Variants in XKR6 observed in about 807,000 individuals in gnomAD.
The protein encoded by XKR6 is XK related 6.
Under a neutral mutation model 56.7 loss-of-function variants are expected in XKR6, and 22 were observed. That is an observed-to-expected ratio of 0.39 (90% confidence interval 0.28 to 0.55). XKR6 has a LOEUF of 0.55. Ranked by LOEUF, XKR6 falls within the 20% of genes least tolerant of loss-of-function variation. The probability of loss-of-function intolerance (pLI) is 0.66; values close to 1 mark genes in which losing one functional copy is unlikely to be tolerated. For synonymous variants in XKR6, 524 were observed against 387.8 expected (o/e 1.35, Z -4.13); for missense variants, 852 against 889.0 (o/e 0.96, Z 0.53).
chr8:10,962,705 A>G (rs1212413214), intron 1 of XKR6, among the ~76,000 whole-genome samples: 3 of 151,864 alleles, frequency 2.0e-5, no homozygotes, highest in Non-Finnish European at 2.9e-5. Context: ...AGCTCATTGC[A>G]ACCTCTGTCT....
intron 1 of XKR6, among the ~76,000 whole-genome samples, chr8:10,946,099 T>C (rs1396423646): frequency 6.6e-6 from 1 of 151,940 alleles, no homozygotes; most frequent in Non-Finnish European, 1.5e-5. Context: ...CTCACTCAAA[T>C]TAGAGCTAAA....
intron 1 of XKR6, among the ~76,000 whole-genome samples, chr8:11,135,533 T>C (rs967259731): frequency 8.5e-5 from 13 of 152,232 alleles, no homozygotes; most frequent in African/African-American, 2.4e-4. Context: ...GTTTAAATAG[T>C]TGATCTATTA....
At chr8:11,180,785 T>C (rs962265185) in intron 1 of XKR6, among the ~76,000 whole-genome samples, 2 of 151,996 alleles carry the variant, frequency 1.3e-5, no homozygotes, top group Non-Finnish European at 2.9e-5. Flanking sequence ...CCTGCACCTG[T>C]AGTCCCAGCT....
intron 1 of XKR6, among the ~76,000 whole-genome samples, chr8:11,161,990 T>G (rs888175296): frequency 5.3e-5 from 8 of 152,156 alleles, no homozygotes; most frequent in African/African-American, 1.9e-4. Context: ...CAGAGGACCT[T>G]TTCTCATCTC....
At chr8:10,992,715 CAGTG>C (rs1294304428) in intron 1 of XKR6, among the ~76,000 whole-genome samples, 1 of 152,226 alleles carries the variant, frequency 6.6e-6, no homozygotes, top group Non-Finnish European at 1.5e-5. Context: ...GTTAGCCAAG[CAGTG>C]ACTGTGCACC....
At chr8:11,095,010 A>C (rs764836735) in intron 1 of XKR6, among the ~76,000 whole-genome samples, 11 of 152,350 alleles carry the variant, frequency 7.2e-5, no homozygotes, top group Middle Eastern at 3.4e-3. Flanking sequence ...ACAAACCTGC[A>C]CATCCTGCAC....
intron 1 of XKR6, among the ~76,000 whole-genome samples, chr8:11,044,820 A>C (rs1350626274): frequency 6.6e-6 from 1 of 152,044 alleles, no homozygotes; most frequent in East Asian, 1.9e-4. Flanking sequence ...GGGTTTCACC[A>C]TGTTGGGTAG....
intron 2 of XKR6, among the ~76,000 whole-genome samples, chr8:10,915,911 G>A (rs567985141): frequency 1.3e-5 from 2 of 152,200 alleles, no homozygotes; most frequent in Admixed American, 1.3e-4. Context: ...GCCAGAGAAC[G>A]GGGTCAAGAG....
chr8:10,947,529 G>C (rs547597639), intron 1 of XKR6, among the ~76,000 whole-genome samples: 99 of 152,248 alleles, frequency 6.5e-4, no homozygotes, highest in Middle Eastern at 3.4e-3. Context: ...GGAAGAGGAA[G>C]GTCAGAAAGG....
intron 1 of XKR6, among the ~76,000 whole-genome samples, chr8:10,979,101 C>A (rs1797665747): frequency 1.3e-5 from 2 of 151,914 alleles, no homozygotes; most frequent in Admixed American, 1.3e-4. Flanking sequence ...CTCCTCCTTG[C>A]AGTCTTCCCT....
At chr8:11,010,040 A>G (rs1225938820) in intron 1 of XKR6, among the ~76,000 whole-genome samples, 2 of 152,240 alleles carry the variant, frequency 1.3e-5, no homozygotes, top group Non-Finnish European at 2.9e-5. Flanking sequence ...GAGAGGTTTA[A>G]TTGGCTCTTG....
chr8:10,939,276 CG>C (rs897698507), intron 1 of XKR6, among the ~76,000 whole-genome samples: 5 of 152,208 alleles, frequency 3.3e-5, no homozygotes, highest in African/African-American at 1.2e-4. Flanking sequence ...AATCCAGGCC[CG>C]CCCACCACAG....
chr8:11,172,964 A>C (rs182085137), intron 1 of XKR6, among the ~76,000 whole-genome samples: 35 of 152,324 alleles, frequency 2.3e-4, no homozygotes, highest in Non-Finnish European at 4.0e-4. Context: ...AAAATCTATT[A>C]TCCGGTATTT....
intron 1 of XKR6, among the ~76,000 whole-genome samples, chr8:10,984,720 C>CTATATGTA (rs1212342415): frequency 5.3e-4 from 44 of 83,264 alleles, no homozygotes; most frequent in African/African-American, 2.2e-3. Context: ...CTCTCTCTCT[C>CTATATGTA]TCTCTCTCTC....
chr8:10,976,189 AG>A (rs1802552576), intron 1 of XKR6, among the ~76,000 whole-genome samples: 2 of 141,992 alleles, frequency 1.4e-5, no homozygotes, highest in South Asian at 4.3e-4. Flanking sequence ...AAAAAAAAAA[AG>A]TGCCCCCCCC....
At chr8:11,151,516 T>C (rs1477674794) in intron 1 of XKR6, among the ~76,000 whole-genome samples, 1 of 152,168 alleles carries the variant, frequency 6.6e-6, no homozygotes, top group Non-Finnish European at 1.5e-5. Flanking sequence ...ACAGATGTAA[T>C]ATAATTCTAC....
chr8:11,119,452 T>C (rs979238473), intron 1 of XKR6, among the ~76,000 whole-genome samples: 2 of 152,202 alleles, frequency 1.3e-5, no homozygotes, highest in Non-Finnish European at 2.9e-5. Flanking sequence ...CTAAGTCTCT[T>C]TGTAGGTCAC....
At chr8:11,111,627 T>C (rs567451917) in intron 1 of XKR6, 1 of 152,262 alleles carries the variant, frequency 6.6e-6, no homozygotes, top group Admixed American at 6.5e-5. Flanking sequence ...ATGAGGTTCA[T>C]AAGAACCCCA....
intron 1 of XKR6, among the ~76,000 whole-genome samples, chr8:11,003,327 T>A (rs56112120): frequency 0.28 from 42,820 of 151,856 alleles, 7,156 homozygotes; most frequent in African/African-American, 0.45. Context: ...ACCACCACCA[T>A]CATTATCATC....
Sources: gnomAD v4.1 joint callset for allele counts (sites outside exome capture counted in the v4.1 genomes callset) on GRCh38, gnomAD v4.1.1 for gene constraint, MANE v1.5 for transcripts, NCBI Gene and HGNC (gene_info 2026-07-23, HGNC 2026-07-21) for gene names.